The following NAPEPLD variants were observed in gnomAD, a reference collection of about 807,000 sequenced individuals.
NAPEPLD encodes N-acyl-phosphatidylethanolamine-hydrolyzing phospholipase D.
Under a neutral mutation model 38.1 loss-of-function variants are expected in NAPEPLD, and 23 were observed. That is an observed-to-expected ratio of 0.60 (90% CI 0.43 to 0.86). NAPEPLD has a LOEUF of 0.86. NAPEPLD is among the 40% of genes least tolerant of loss of function. NAPEPLD has a pLI of 0.00. For synonymous variants in NAPEPLD, 147 were observed against 162.0 expected, an observed-to-expected ratio of 0.91 and a Z score of 0.71; for missense variants, 411 against 476.8, an observed-to-expected ratio of 0.86 and a Z score of 1.28.
intron 4 of NAPEPLD, among the ~76,000 whole-genome samples, chr7:103,103,854 A>T (rs962663677): frequency 7.9e-5 from 12 of 152,218 alleles, no homozygotes; most frequent in African/African-American, 2.9e-4. Context: ...CACCATATGA[A>T]ATTCCAATCT....
chr7:103,141,136 G>T (rs191618607), intron 1 of NAPEPLD, among the ~76,000 whole-genome samples: 2 of 151,520 alleles, frequency 1.3e-5, no homozygotes, highest in East Asian at 3.9e-4. Context: ...TTTCCAGTGT[G>T]TGACAGATAA....
At chr7:103,105,733 G>A (rs1401200607) in intron 4 of NAPEPLD, among the ~76,000 whole-genome samples, 1 of 152,120 alleles carries the variant, frequency 6.6e-6, no homozygotes, top group African/African-American at 2.4e-5. Flanking sequence ...AGGAGTTTGA[G>A]ACCAGCCTGG....
chr7:103,146,966 A>T (rs1812692217), intron 1 of NAPEPLD, among the ~76,000 whole-genome samples: 1 of 152,136 alleles, frequency 6.6e-6, no homozygotes, highest in Non-Finnish European at 1.5e-5. Context: ...TATTTGAAAG[A>T]GCTTTGTAAA....
At chr7:103,129,361 AT>A (rs1302974808) in intron 1 of NAPEPLD, 1 of 979,484 alleles carries the variant, frequency 1.0e-6, no homozygotes, top group Non-Finnish European at 1.2e-6. Flanking sequence ...CCCAGCCAGC[AT>A]GTAAGCATAT....
chr7:103,120,274 T>C (rs1245261532), intron 2 of NAPEPLD, 51 bp from the exon 3 acceptor site: 7 of 1,546,260 alleles, frequency 4.5e-6, no homozygotes, highest in Non-Finnish European at 2.6e-6. Context: ...AAAAAAGTAT[T>C]ATATCATCAT....
At chr7:103,133,535 C>T (rs1287634092) in intron 1 of NAPEPLD, among the ~76,000 whole-genome samples, 6 of 152,188 alleles carry the variant, frequency 3.9e-5, no homozygotes, top group African/African-American at 1.4e-4. Flanking sequence ...GAGTGGGTCA[C>T]ACAAGAACGC....
At chr7:103,127,711 G>C (rs1004549560) in intron 2 of NAPEPLD, 5 of 152,232 alleles carry the variant, frequency 3.3e-5, no homozygotes, top group African/African-American at 1.2e-4. Context: ...TAAATACACA[G>C]AAAGTCAAGC....
intron 1 of NAPEPLD, among the ~76,000 whole-genome samples, chr7:103,144,833 A>T (rs992666355): frequency 2.7e-4 from 41 of 152,162 alleles, no homozygotes; most frequent in Admixed American, 2.3e-3. Context: ...CCAACATGGC[A>T]AAACTCTGTC....
chr7:103,143,828 C>G (rs1235638397), intron 1 of NAPEPLD, among the ~76,000 whole-genome samples: 3 of 152,208 alleles, frequency 2.0e-5, no homozygotes, highest in African/African-American at 4.8e-5. Context: ...TATAAAAACA[C>G]CAATGGTAAC....
chr7:103,125,383 G>C (rs1807543410), intron 2 of NAPEPLD, among the ~76,000 whole-genome samples: 1 of 152,082 alleles, frequency 6.6e-6, no homozygotes, highest in Admixed American at 6.5e-5. Context: ...TTAATATGTG[G>C]AAAATGCAGA....
intron 1 of NAPEPLD, chr7:103,141,731 C>G: frequency 1.2e-6 from 1 of 857,956 alleles, no homozygotes; most frequent in Non-Finnish European, 2.0e-6. Context: ...GCCCTTCCGG[C>G]AGGCCAAGGT....
chr7:103,136,369 C>T (rs1285901989), intron 1 of NAPEPLD, among the ~76,000 whole-genome samples: 2 of 148,484 alleles, frequency 1.3e-5, no homozygotes, highest in African/African-American at 2.5e-5. Flanking sequence ...CTCAGGAGTT[C>T]GAGAACAGCC....
intron 1 of NAPEPLD, among the ~76,000 whole-genome samples, chr7:103,139,867 T>A (rs1810853716): frequency 6.6e-6 from 1 of 152,172 alleles, no homozygotes; most frequent in South Asian, 2.1e-4. Flanking sequence ...AGAGTGAGGC[T>A]AGAGATATCC....
intron 4 of NAPEPLD, among the ~76,000 whole-genome samples, chr7:103,104,495 T>G (rs890300291): frequency 6.6e-6 from 1 of 152,244 alleles, no homozygotes; most frequent in African/African-American, 2.4e-5. Context: ...GCAAGTTTCC[T>G]GAGCCCTTAA....
rs2129525243 is a variant in NAPEPLD at position 103,100,735 on chromosome 7, T to C, written c.*2694A>G. On this transcript the variant is annotated 3_prime_UTR_variant, in exon 5 of 5. Coordinates refer to ENST00000465647, the MANE Select transcript of NAPEPLD (RefSeq NM_001122838.3). ...ACTGAATTGAAGAAGAGAATGGATT[T>C]GTCTTATTTTTCAAAATTTGTTTTC... is the stretch of plus-strand genomic sequence containing the variant. 6.6e-6 allele frequency: 1 copy of C among 152,322 alleles called. No homozygotes were observed. The highest frequency in any genetic ancestry group is 2.4e-5 in the African/African-American group (1 of 41,578). 9.4% of individuals were successfully genotyped at this position (152,322 alleles called of 1,614,324 possible). A position where few individuals can be genotyped will look rare whatever the true frequency, so the allele number is the denominator to read the frequency against.
intron 1 of NAPEPLD, among the ~76,000 whole-genome samples, chr7:103,139,341 T>C (rs538458453): frequency 6.6e-6 from 1 of 152,182 alleles, no homozygotes; most frequent in East Asian, 1.9e-4. Context: ...GGGAAAAAAA[T>C]CATAAGAAAC....
chr7:103,141,432 G>A (rs752022048), intron 1 of NAPEPLD: 2 of 896,360 alleles, frequency 2.2e-6, no homozygotes, highest in Non-Finnish European at 3.8e-6. Flanking sequence ...TAGCTCTTGT[G>A]TGCTTCCTTG....
Position 103,102,195 on chromosome 7 carries a change from A to G in NAPEPLD, c.*1234T>C, listed in dbSNP as rs1207173385. The stretch of plus-strand genomic sequence containing the variant: ...AATTAAAAACAAATTTAATTCAAAG[A>G]ATATGGTCTATTAACATTTTGTCTG... On this transcript the variant is annotated 3_prime_UTR_variant, in exon 5 of 5. Transcript: ENST00000465647. 1 of 152,210 alleles carries G rather than the reference A, an allele frequency of 6.6e-6. No homozygotes were observed. Among genetic ancestry groups the G allele is most frequent in the Non-Finnish European group, 1.5e-5 (1 of 68,040 alleles). 9.4% of individuals were successfully genotyped at this position (152,210 alleles called of 1,614,324 possible).
intron 1 of NAPEPLD, among the ~76,000 whole-genome samples, chr7:103,135,532 A>G (rs1332884023): frequency 6.6e-6 from 1 of 152,162 alleles, no homozygotes; most frequent in East Asian, 1.9e-4. Flanking sequence ...ATCAACCAAA[A>G]AAGTATTGCA....
Sources: gnomAD v4.1 joint callset for allele counts (sites outside exome capture counted in the v4.1 genomes callset) on GRCh38, gnomAD v4.1.1 for gene constraint, MANE v1.5 for transcripts, NCBI Gene and HGNC (gene_info 2026-07-23, HGNC 2026-07-21) for gene names.